The following RBFOX1 variants were observed in gnomAD, a reference collection of about 807,000 sequenced individuals.
RBFOX1 encodes the protein RNA binding protein fox-1 homolog 1.
In RBFOX1, 8 loss-of-function variants were observed where a neutral mutation model predicts 57.7. The ratio of observed to expected loss-of-function variants is 0.14; its 90% CI spans 0.08 to 0.25. The LOEUF (loss-of-function observed/expected upper bound fraction) is 0.25, where lower values mean the gene tolerates loss of function less well. RBFOX1 is among the 10% of genes least tolerant of loss of function. The pLI, the probability that RBFOX1 is intolerant of heterozygous loss-of-function variation, is 1.00. For synonymous variants in RBFOX1, 326 were observed against 222.4 expected, an observed-to-expected ratio of 1.47 and a Z score of -4.15; for missense variants, 611 against 548.5, an observed-to-expected ratio of 1.11 and a Z score of -1.14.
At chr16:7,059,512 C>T (rs114742100) in intron 4 of RBFOX1, among the ~76,000 whole-genome samples, 2,659 of 152,236 alleles carry the variant, frequency 0.017, 82 homozygotes, top group African/African-American at 0.06. Context: ...GTGGAAAAGA[C>T]ATGCATTTGT....
At position 7,693,437 on chromosome 16, in the gene RBFOX1, T is replaced by C. The variant is rs1316737032; in HGVS notation, c.996-15619T>C. ...TATCCTTTTTTTTTTTTTTTTTTCTTCTTCACATGCTGCAGTTGGTCACTC... is the reference window on the plus strand; with the variant it reads ...TATCCTTTTTTTTTTTTTTTTTTCTCCTTCACATGCTGCAGTTGGTCACTC... On this transcript the variant is annotated intron_variant, in intron 14 of 15. Transcript: ENST00000550418. 51 of 1,167,640 alleles carry C rather than the reference T, an allele frequency of 4.4e-5. 1 individual carries two copies. The highest frequency in any genetic ancestry group is 2.1e-4 in the Admixed American group (10 of 48,694). 72.3% of individuals were successfully genotyped at this position (1,167,640 alleles called of 1,614,324 possible).
At chr16:5,764,323 G>T (rs1201038872) in intron 3 of RBFOX1, among the ~76,000 whole-genome samples, 4 of 152,220 alleles carry the variant, frequency 2.6e-5, no homozygotes, top group Non-Finnish European at 5.9e-5. Context: ...CAGAGGCCTT[G>T]AGTTTTCCTT....
chr16:7,464,978 T>A (rs1029481681), intron 4 of RBFOX1, among the ~76,000 whole-genome samples: 1 of 152,044 alleles, frequency 6.6e-6, no homozygotes, highest in African/African-American at 2.4e-5. Flanking sequence ...ATTACAGGGA[T>A]GAGCCACCGA....
At chr16:6,905,145 G>A (rs953946617) in intron 3 of RBFOX1, among the ~76,000 whole-genome samples, 3 of 152,086 alleles carry the variant, frequency 2.0e-5, no homozygotes, top group East Asian at 3.9e-4. Flanking sequence ...GCATTTTACA[G>A]TTGGTCAGGG....
At chr16:6,040,536 G>C (rs1395853188) in intron 1 of RBFOX1, among the ~76,000 whole-genome samples, 1 of 151,860 alleles carries the variant, frequency 6.6e-6, no homozygotes, top group Non-Finnish European at 1.5e-5. Context: ...AAGTGTGAGG[G>C]TGTGAATTAA....
At position 6,483,655 on chromosome 16, in the gene RBFOX1, C is replaced by T. The variant is rs1317087308; in HGVS notation, c.-64+166598C>T. On this transcript the variant is annotated intron_variant, in intron 2 of 15. Coordinates refer to ENST00000550418, the MANE Select transcript of RBFOX1 (RefSeq NM_018723.4). Reference sequence around the variant, plus strand: ...CAGCTTCTGCAGAGGCTTCCTGAAGCCCACTGACTCCGCGGGAGGGGGTTG... The same window carrying T: ...CAGCTTCTGCAGAGGCTTCCTGAAGTCCACTGACTCCGCGGGAGGGGGTTG... 7.9e-6 allele frequency: 11 copies of T among 1,386,886 alleles called. 1 individual carries two copies. Among genetic ancestry groups the T allele is most frequent in the East Asian group, 2.9e-5 (1 of 34,178 alleles). The allele number at this position is 1,386,886 out of a possible 1,614,324, so 85.9% of individuals were successfully genotyped here.
At chr16:5,483,029 C>A (rs966943351) in intron 2 of RBFOX1, among the ~76,000 whole-genome samples, 1 of 152,188 alleles carries the variant, frequency 6.6e-6, no homozygotes, top group African/African-American at 2.4e-5. Flanking sequence ...CTATCGCAGT[C>A]AATAAAACAC....
chr16:7,584,753 T>C (rs1325028659), intron 6 of RBFOX1, among the ~76,000 whole-genome samples: 1 of 152,236 alleles, frequency 6.6e-6, no homozygotes, highest in African/African-American at 2.4e-5. Flanking sequence ...ACATCATTAG[T>C]AGCGAACTTC....
chr16:7,679,949 A>T (rs1266382156), intron 14 of RBFOX1, among the ~76,000 whole-genome samples: 4 of 152,208 alleles, frequency 2.6e-5, no homozygotes, highest in Non-Finnish European at 5.9e-5. Context: ...TTGGCAAAGC[A>T]CTTGACCTTC....
chr16:5,945,702 T>C (rs2059388041), intron 4 of RBFOX1, among the ~76,000 whole-genome samples: 1 of 152,200 alleles, frequency 6.6e-6, no homozygotes, highest in African/African-American at 2.4e-5. Context: ...CAGCCCTTCC[T>C]CAGGTAGAAT....
At chr16:6,246,543 A>ATCC (rs1286144585) in intron 1 of RBFOX1, among the ~76,000 whole-genome samples, 2 of 152,158 alleles carry the variant, frequency 1.3e-5, no homozygotes, top group Admixed American at 1.3e-4. Flanking sequence ...TGTTACTATG[A>ATCC]TTGGCAGCTC....
At chr16:7,515,906 G>A (rs1282375461) in intron 4 of RBFOX1, among the ~76,000 whole-genome samples, 2 of 152,072 alleles carry the variant, frequency 1.3e-5, no homozygotes, top group African/African-American at 4.8e-5. Context: ...GTGCAGTGGT[G>A]CACTCTCAGC....
rs192673030 is a variant in RBFOX1 at position 7,174,612 on chromosome 16, C to G, written c.27+122514C>G. Among the ~76,000 whole-genome samples the G allele has an allele frequency of 3.9e-5, 6 of 152,222 alleles. No individual in the cohort carries two copies. The East Asian group carries it at 1.2e-3, about 29-fold the overall frequency. On this transcript the variant is annotated intron_variant, in intron 4 of 15. Coordinates refer to ENST00000550418, the MANE Select transcript of RBFOX1 (RefSeq NM_018723.4). ...CCTGGTGTAGGTGGTGAAACCCCAT[C>G]TCTACTAAAAATACAAAATTAGCCA... is the stretch of plus-strand genomic sequence containing the variant.
rs2041948898 is a variant in RBFOX1 at position 7,029,077 on chromosome 16, TATATACACACACACACACACACACACAC to T, written c.-15-22978_-15-22951del. On this transcript the variant is annotated intron_variant, in intron 3 of 15. Transcript: ENST00000550418. ...ATATATATATATATATATATATATA[TATATACACACACACACACACACACACAC>T]ACACACACACACACACATATACGTA... Among the ~76,000 whole-genome samples the T allele has an allele frequency of 6.7e-5, 3 of 44,572 alleles. 1 individual carries two copies. Among genetic ancestry groups the T allele is most frequent in the African/African-American group, 5.2e-4 (2 of 3,854 alleles). 29.2% of individuals were successfully genotyped at this position (44,572 alleles called of 152,430 possible). A position where few individuals can be genotyped will look rare whatever the true frequency, so the allele number is the denominator to read the frequency against.
intron 4 of RBFOX1, among the ~76,000 whole-genome samples, chr16:7,328,431 G>C (rs550492860): frequency 7.7e-6 from 1 of 129,158 alleles, no homozygotes; most frequent in Non-Finnish European, 1.5e-5. Context: ...AGTGAGCTGA[G>C]ATCATGCCAT....
intron 2 of RBFOX1, among the ~76,000 whole-genome samples, chr16:6,650,930 T>C (rs981904234): frequency 6.6e-6 from 1 of 152,136 alleles, no homozygotes; most frequent in Non-Finnish European, 1.5e-5. Flanking sequence ...GGAAACAGAG[T>C]CTCACTTCGT....
At chr16:5,366,609 C>A in intron 1 of RBFOX1, 2 of 400,400 alleles carry the variant, frequency 5.0e-6, no homozygotes, top group Non-Finnish European at 9.5e-6. Flanking sequence ...AAGCAAAGTT[C>A]ATCAATTATG....
At chr16:5,593,719 AC>A (rs1308506321) in intron 2 of RBFOX1, among the ~76,000 whole-genome samples, 3 of 152,186 alleles carry the variant, frequency 2.0e-5, no homozygotes, top group African/African-American at 4.8e-5. Flanking sequence ...TCAAGAAATA[AC>A]CATAAAAATG....
rs55707901 is a variant in RBFOX1 at position 6,193,392 on chromosome 16, CTATATA to C, written c.-126-123574_-126-123569del. ...TATATATATACATTATATATATATA[CTATATA>C]TATATATATATATATATATATATAT... is the stretch of plus-strand genomic sequence containing the variant. On this transcript the variant is annotated intron_variant, in intron 1 of 15. Transcript: ENST00000550418. 7.8e-3 allele frequency among the ~76,000 whole-genome samples: 335 copies of C among 43,196 alleles called. 8 individuals are homozygous for C. Among genetic ancestry groups the C allele is most frequent in the African/African-American group, 0.018 (275 of 15,438 alleles). 28.3% of individuals were successfully genotyped at this position (43,196 alleles called of 152,430 possible). A position where few individuals can be genotyped will look rare whatever the true frequency, so the allele number is the denominator to read the frequency against.
Sources: allele counts gnomAD v4.1 joint callset (sites outside exome capture counted in the v4.1 genomes callset), GRCh38; gene constraint gnomAD v4.1.1; transcripts MANE v1.5; gene names NCBI Gene and HGNC (gene_info 2026-07-23, HGNC 2026-07-21).